CTNNA2: variants seen among roughly 807,000 people sequenced by gnomAD.
The protein encoded by CTNNA2 is catenin alpha-2.
CTNNA2 carries 42 observed loss-of-function variants against 101.0 expected under a neutral mutation model. That is an observed-to-expected ratio of 0.42 (90% CI 0.32 to 0.54). The LOEUF is 0.54. Ranked by LOEUF, CTNNA2 falls within the 20% of genes least tolerant of loss-of-function variation. The pLI is 0.14. For missense variants in CTNNA2, 871 were observed against 1,223.1 expected (o/e 0.71, Z 4.29); for synonymous variants, 450 against 456.4 (o/e 0.99, Z 0.18).
intron 2 of CTNNA2, among the ~76,000 whole-genome samples, chr2:79,201,205 G>A (rs1036641478): frequency 6.6e-6 from 1 of 151,976 alleles, no homozygotes; most frequent in Non-Finnish European, 1.5e-5. Flanking sequence ...ATGGGAAAAA[G>A]ACTGAAACAA....
At chr2:79,788,578 T>C (rs577393491) in intron 3 of CTNNA2, among the ~76,000 whole-genome samples, 6 of 152,254 alleles carry the variant, frequency 3.9e-5, no homozygotes, top group Admixed American at 1.3e-4. Context: ...ACTGGAAAGG[T>C]TAAGGGACAC....
chr2:79,429,361 G>A (rs79338727), intron 4 of CTNNA2, among the ~76,000 whole-genome samples: 3,350 of 152,100 alleles, frequency 0.022, 56 homozygotes, highest in African/African-American at 0.043. Flanking sequence ...AATAGCAGCA[G>A]TATCTAACTC....
intron 2 of CTNNA2, among the ~76,000 whole-genome samples, chr2:79,259,261 G>A (rs2104284076): frequency 6.6e-6 from 1 of 152,136 alleles, no homozygotes; most frequent in South Asian, 2.1e-4. Flanking sequence ...CAGATGAGGG[G>A]GCATATCAGC....
At chr2:80,224,132 A>G (rs963029158) in intron 7 of CTNNA2, among the ~76,000 whole-genome samples, 3 of 152,044 alleles carry the variant, frequency 2.0e-5, no homozygotes, top group African/African-American at 7.2e-5. Context: ...ATGTCCCTAG[A>G]GCTTAGGATC....
chr2:79,870,109 C>A (rs1682470524), intron 5 of CTNNA2, among the ~76,000 whole-genome samples, 174 bp downstream of exon 5: 1 of 152,168 alleles, frequency 6.6e-6, no homozygotes, highest in Non-Finnish European at 1.5e-5. Context: ...TTGGTGGGCT[C>A]TGGACCACTC....
chr2:79,201,746 G>C (rs968242117), intron 2 of CTNNA2, among the ~76,000 whole-genome samples: 7 of 152,058 alleles, frequency 4.6e-5, no homozygotes, highest in Admixed American at 1.3e-4. Context: ...AAGGTCAGCA[G>C]CTCTTCCACT....
chr2:79,587,694 C>G (rs181155422), intron 1 of CTNNA2, among the ~76,000 whole-genome samples: 1 of 152,304 alleles, frequency 6.6e-6, no homozygotes, highest in Admixed American at 6.5e-5. Context: ...TCAAAAGCCA[C>G]TCAGGGTGAC....
At chr2:79,295,401 G>C (rs1675954485) in intron 2 of CTNNA2, among the ~76,000 whole-genome samples, 1 of 152,160 alleles carries the variant, frequency 6.6e-6, no homozygotes, top group Non-Finnish European at 1.5e-5. Flanking sequence ...CTCTAGGCCA[G>C]AAGTAAAAGG....
At chr2:79,778,116 TG>T (rs1328720050) in intron 3 of CTNNA2, among the ~76,000 whole-genome samples, 29 of 151,714 alleles carry the variant, frequency 1.9e-4, no homozygotes, top group Non-Finnish European at 7.4e-5. Context: ...CTGAGGCAGG[TG>T]GATCGCCTGA....
chr2:79,752,303 G>A (rs1299611946), intron 3 of CTNNA2, among the ~76,000 whole-genome samples: 1 of 152,148 alleles, frequency 6.6e-6, no homozygotes, highest in Non-Finnish European at 1.5e-5. Flanking sequence ...AAATCCAAGG[G>A]AATAGGATGT....
chr2:80,072,454 G>A (rs138884090), intron 7 of CTNNA2, among the ~76,000 whole-genome samples: 289 of 152,110 alleles, frequency 1.9e-3, no homozygotes, highest in African/African-American at 6.7e-3. Flanking sequence ...CCACTGCTCC[G>A]TATCACTTTT....
rs113947161 is a variant in CTNNA2, at chr2:79,482,846, A to T, written c.-134-22208A>T. On this transcript the variant is annotated intron_variant, in intron 4 of 21. Transcript: ENST00000466387. Reference sequence around the variant, plus strand: ...TTCATCCCCAAGGGCTTTTTGGTGAAGTCTGAAGATAGTTTTGGTGGAGGA... The same window carrying T: ...TTCATCCCCAAGGGCTTTTTGGTGATGTCTGAAGATAGTTTTGGTGGAGGA... 4.3e-3 allele frequency among the ~76,000 whole-genome samples: 661 copies of T among 152,286 alleles called. 4 individuals are homozygous for T. The highest frequency in any genetic ancestry group is 0.015 in the African/African-American group (614 of 41,566).
chr2:80,349,577 G>C (rs79222245), intron 7 of CTNNA2, among the ~76,000 whole-genome samples: 13,214 of 151,876 alleles, frequency 0.087, 794 homozygotes, highest in East Asian at 0.26. Context: ...CTGTTTTCCA[G>C]GTCTCCCCTC....
intron 7 of CTNNA2, among the ~76,000 whole-genome samples, chr2:80,004,448 A>G (rs968842810): frequency 6.6e-6 from 1 of 152,148 alleles, no homozygotes; most frequent in Non-Finnish European, 1.5e-5. Flanking sequence ...TTACAAATGT[A>G]AATAAGTAAA....
intron 9 of CTNNA2, among the ~76,000 whole-genome samples, chr2:80,425,105 C>T (rs552109538): frequency 4.8e-4 from 73 of 152,248 alleles, no homozygotes; most frequent in Middle Eastern, 3.4e-3. Context: ...GAGTGACAGG[C>T]GGAAGGTTAG....
intron 7 of CTNNA2, among the ~76,000 whole-genome samples, chr2:79,984,643 T>C (rs1328724673): frequency 6.6e-6 from 1 of 152,192 alleles, no homozygotes; most frequent in East Asian, 1.9e-4. Flanking sequence ...AGTGTGGCTA[T>C]GAGTCAGTGT....
intron 7 of CTNNA2, among the ~76,000 whole-genome samples, chr2:80,001,491 A>G (rs1409272114): frequency 6.6e-6 from 1 of 152,212 alleles, no homozygotes; most frequent in East Asian, 1.9e-4. Context: ...GAAGTATAAT[A>G]TGTGTGCATA....
At chr2:80,609,450 A>G (rs1416546316) in intron 17 of CTNNA2, among the ~76,000 whole-genome samples, 1 of 151,646 alleles carries the variant, frequency 6.6e-6, no homozygotes, top group Admixed American at 6.6e-5. Context: ...TAAATTGGCT[A>G]TTTTGTGCCT....
chr2:79,466,322 G>C (rs1670934105), intron 4 of CTNNA2, among the ~76,000 whole-genome samples: 1 of 152,198 alleles, frequency 6.6e-6, no homozygotes, highest in Admixed American at 6.5e-5. Context: ...GTGGCAGCAA[G>C]GCTGGGGGAG....
Sources: allele counts gnomAD v4.1 joint callset (sites outside exome capture counted in the v4.1 genomes callset), GRCh38; gene constraint gnomAD v4.1.1; transcripts MANE v1.5; gene names NCBI Gene and HGNC (gene_info 2026-07-23, HGNC 2026-07-21).